Variants in SPNS3 observed in about 807,000 individuals in gnomAD.
SPNS3 encodes the protein SPNS lysolipid transporter 3, sphingosine-1-phosphate (putative), also known as protein spinster homolog 3.
In SPNS3, 51 loss-of-function variants were observed where a neutral mutation model predicts 54.4. That is an observed-to-expected ratio of 0.94 (90% CI 0.75 to 1.18). The LOEUF (loss-of-function observed/expected upper bound fraction) is 1.18. Among genes scored for constraint, SPNS3 ranks in the 50% most tolerant of loss-of-function variants. The pLI is 0.00. For missense variants in SPNS3, 669 were observed against 677.4 expected (o/e 0.99, Z 0.14); for synonymous variants, 309 against 294.7 (o/e 1.05, Z -0.50).
chr17:4,481,790 T>A (rs1972156408), intron 9 of SPNS3, among the ~76,000 whole-genome samples: 2 of 152,104 alleles, frequency 1.3e-5, no homozygotes, highest in South Asian at 4.2e-4. Flanking sequence ...AAGGATAGAA[T>A]GAACTCACAC....
At chr17:4,466,539 CAAAAAA>C (rs71144202) in intron 8 of SPNS3, among the ~76,000 whole-genome samples, 1 of 104,972 alleles carries the variant, frequency 9.5e-6, no homozygotes, top group African/African-American at 3.6e-5. Context: ...GACTCTGTCT[CAAAAAA>C]AAAAAAAAAA....
intron 8 of SPNS3, among the ~76,000 whole-genome samples, chr17:4,468,767 T>TTCTTTCTTTCTTTCTC (rs760900558): frequency 6.6e-4 from 69 of 104,790 alleles, no homozygotes; most frequent in Non-Finnish European, 9.6e-4. Context: ...CTTTCTCTCT[T>TTCTTTCTTTCTTTCTC]TCTTTTTCTT....
chr17:4,441,666 G>A (rs567287551), intron 2 of SPNS3, among the ~76,000 whole-genome samples: 3 of 151,786 alleles, frequency 2.0e-5, no homozygotes, highest in East Asian at 1.9e-4. Context: ...GCATGATCTC[G>A]GCTCACTGCA....
intron 2 of SPNS3, among the ~76,000 whole-genome samples, chr17:4,440,452 G>A (rs1402272219): frequency 6.6e-6 from 1 of 152,188 alleles, no homozygotes; most frequent in African/African-American, 2.4e-5. Context: ...TTAAACCGGG[G>A]TACAGGGATC....
At chr17:4,482,779 C>T (rs893086369) in intron 9 of SPNS3, among the ~76,000 whole-genome samples, 1 of 152,200 alleles carries the variant, frequency 6.6e-6, no homozygotes, top group Non-Finnish European at 1.5e-5. Context: ...TCCCTCCCAG[C>T]CCTGCTGTCT....
At chr17:4,444,100 C>CAAAAAAAAAAAAAAA (rs1458399308) in intron 2 of SPNS3, among the ~76,000 whole-genome samples, 13 of 152,044 alleles carry the variant, frequency 8.6e-5, no homozygotes, top group African/African-American at 2.9e-4. Context: ...GACTTTGTCT[C>CAAAAAAAAAAAAAAA]AAAAAGTAAA....
intron 8 of SPNS3, among the ~76,000 whole-genome samples, chr17:4,460,281 C>T (rs1971461216): frequency 1.3e-5 from 2 of 152,236 alleles, no homozygotes; most frequent in South Asian, 2.1e-4. Context: ...TTGTCTTCCG[C>T]ATCTATTGAA....
chr17:4,459,672 C>T (rs1423091478), intron 8 of SPNS3, among the ~76,000 whole-genome samples: 1 of 152,058 alleles, frequency 6.6e-6, no homozygotes, highest in Non-Finnish European at 1.5e-5. Flanking sequence ...GAGATTGCGC[C>T]ATTGCACTCC....
intron 8 of SPNS3, among the ~76,000 whole-genome samples, chr17:4,455,749 G>T (rs1971295044): frequency 6.6e-6 from 1 of 152,154 alleles, no homozygotes; most frequent in Non-Finnish European, 1.5e-5. Context: ...GGGGAGTCAG[G>T]GCCCAGGGTC....
chr17:4,458,564 CCCTCCTTT>C (rs1276204951), intron 8 of SPNS3, among the ~76,000 whole-genome samples: 12 of 78,984 alleles, frequency 1.5e-4, no homozygotes, highest in South Asian at 6.3e-4. Context: ...TTTCTTCCTT[CCCTCCTTT>C]CTTTCTTCCT....
At chr17:4,466,515 G>A (rs1396554118) in intron 8 of SPNS3, among the ~76,000 whole-genome samples, 13 of 136,922 alleles carry the variant, frequency 9.5e-5, no homozygotes, top group African/African-American at 3.4e-4. Context: ...ACTCTAGCCT[G>A]GGTGACAGAA....
intron 8 of SPNS3, among the ~76,000 whole-genome samples, chr17:4,477,253 C>T (rs1024617570): frequency 6.6e-6 from 1 of 152,220 alleles, no homozygotes; most frequent in Non-Finnish European, 1.5e-5. Flanking sequence ...TGACGTCTGC[C>T]TTACAGGGCA....
rs1317490961 is a variant in SPNS3 at position 4,445,147 on chromosome 17, T to C, written c.381T>C (p.Ser127=). The C allele has an allele frequency of 1.2e-6, 2 of 1,613,614 alleles. No homozygotes were observed. Among genetic ancestry groups the C allele is most frequent in the South Asian group, 1.1e-5 (1 of 91,024 alleles). ...TGCTGTGGTCAGGAGCTGGCCTCTC[T>C]AGCTCCTTCATCTCCCCCCGGGTAC... is the stretch of plus-strand genomic sequence containing the variant. ...GILLWSGAGL[S]SSFISPRYSW... The change falls in exon 3 of 12, where the codon TCT becomes TCC. Residue 127 remains serine (S), a synonymous_variant. Coordinates refer to ENST00000355530, the MANE Select transcript of SPNS3 (RefSeq NM_182538.5).
At chr17:4,458,602 T>TTTCTTTCC (rs1219038496) in intron 8 of SPNS3, among the ~76,000 whole-genome samples, 1 of 100,210 alleles carries the variant, frequency 1.0e-5, no homozygotes, top group East Asian at 2.3e-4. Context: ...TCTTTCTTTC[T>TTTCTTTCC]TTCTTTCTTT....
At chr17:4,468,100 C>T (rs901963776) in intron 8 of SPNS3, among the ~76,000 whole-genome samples, 8 of 152,140 alleles carry the variant, frequency 5.3e-5, no homozygotes, top group African/African-American at 1.7e-4. Context: ...AGCTTATGGA[C>T]CACGTGGTTT....
intron 2 of SPNS3, among the ~76,000 whole-genome samples, chr17:4,443,512 T>C (rs7216025): frequency 0.11 from 16,192 of 152,290 alleles, 1,026 homozygotes; most frequent in African/African-American, 0.18. Flanking sequence ...ATGCAATCAG[T>C]AATAATAATA....
chr17:4,436,582 C>G (rs1019046020), intron 1 of SPNS3, among the ~76,000 whole-genome samples: 8 of 152,038 alleles, frequency 5.3e-5, no homozygotes, highest in African/African-American at 1.7e-4. Flanking sequence ...GCCTGAGTGA[C>G]AGAGCAAGAT....
In SPNS3 at chr17:4,447,585, C is replaced by T. The variant is rs376090486; in HGVS notation, c.622-570C>T. Reference sequence around the variant, plus strand: ...TGCCGGGGAGCTGGCGTGTGAAGTGCTGAAGCCAGATTTGGAATTTTGGGG... The same window carrying T: ...TGCCGGGGAGCTGGCGTGTGAAGTGTTGAAGCCAGATTTGGAATTTTGGGG... On this transcript the variant is annotated intron_variant, in intron 5 of 11. Transcript: ENST00000355530. Among the ~76,000 whole-genome samples, 4 of 152,248 alleles carry T rather than the reference C, an allele frequency of 2.6e-5. No homozygotes were observed. The East Asian group carries it at 7.7e-4, about 29-fold the overall frequency.
rs554380544 is a variant in SPNS3, at chr17:4,437,977, T to C, written c.200-1681T>C. Among the ~76,000 whole-genome samples the C allele has an allele frequency of 3.9e-5, 6 of 152,254 alleles. No homozygotes were observed. The South Asian group carries it at 1.2e-3, about 32-fold the overall frequency. ...AATTTTTTGTATTTTTAAATAGAGA[T>C]GGGATTTCACTGTGTTAGCCACGAT... On this transcript the variant is annotated intron_variant, in intron 1 of 11. Transcript: ENST00000355530.
Sources: gnomAD v4.1 joint callset for allele counts (sites outside exome capture counted in the v4.1 genomes callset) on GRCh38, gnomAD v4.1.1 for gene constraint, MANE v1.5 for transcripts, NCBI Gene and HGNC (gene_info 2026-07-23, HGNC 2026-07-21) for gene names.